The following BCR variants were observed in gnomAD, a reference collection of about 807,000 sequenced individuals.
BCR encodes breakpoint cluster region protein.
In BCR, 58 loss-of-function variants were observed where a neutral mutation model predicts 138.6. That is an observed-to-expected ratio of 0.42 (90% CI 0.34 to 0.52). The LOEUF (loss-of-function observed/expected upper bound fraction) is 0.52. BCR is among the 20% of genes least tolerant of loss of function. BCR has a pLI of 0.06. For synonymous variants in BCR, 786 were observed against 730.1 expected, an observed-to-expected ratio of 1.08 and a Z score of -1.23; for missense variants, 1,599 against 1,727.2, an observed-to-expected ratio of 0.93 and a Z score of 1.32.
At chr22:23,286,688 G>A (rs541841007) in intron 10 of BCR, among the ~76,000 whole-genome samples, 39 of 152,282 alleles carry the variant, frequency 2.6e-4, no homozygotes, top group South Asian at 1.4e-3. Context: ...AGCATAGGAA[G>A]GGCCTTCCCA....
At chr22:23,226,403 C>G (rs543084008) in intron 1 of BCR, among the ~76,000 whole-genome samples, 10 of 151,876 alleles carry the variant, frequency 6.6e-5, no homozygotes, top group African/African-American at 2.4e-4. Flanking sequence ...AAAGGATCTT[C>G]TTTTGTCTTA....
rs1170681981 is a variant in BCR, at chr22:23,182,803, G to A, written c.1279+564G>A. ...TGCTAACCAGCAGTCCTGAACACAA[G>A]TCACAGCAGGTGAGAATAGGAATTA... On this transcript the variant is annotated intron_variant, in intron 1 of 22. Coordinates refer to ENST00000305877, the MANE Select transcript of BCR (RefSeq NM_004327.4). Among the ~76,000 whole-genome samples the A allele has an allele frequency of 2.0e-5, 3 of 152,330 alleles. No homozygotes were observed. The East Asian group carries it at 5.8e-4, about 29-fold the overall frequency.
intron 1 of BCR, among the ~76,000 whole-genome samples, chr22:23,189,392 G>A (rs2072386593): frequency 6.6e-6 from 1 of 152,190 alleles, no homozygotes; most frequent in South Asian, 2.1e-4. Context: ...TCTCCTAGAT[G>A]CCTCGTGTAA....
chr22:23,307,806 T>C (rs2073966269), intron 16 of BCR: 1 of 138,958 alleles, frequency 7.2e-6, no homozygotes, highest in African/African-American at 2.9e-5. Flanking sequence ...TGGTGAGCCT[T>C]CGTGCTGAGC....
intron 6 of BCR, 66 bp downstream of exon 6, chr22:23,271,658 G>A (rs774109623): frequency 2.6e-5 from 40 of 1,529,798 alleles, no homozygotes; most frequent in Middle Eastern, 1.8e-4. Context: ...CAGAGGGGGC[G>A]TTGTGGAAAA....
At chr22:23,225,514 C>T (rs1041856376) in intron 1 of BCR, among the ~76,000 whole-genome samples, 2 of 152,196 alleles carry the variant, frequency 1.3e-5, no homozygotes, top group Non-Finnish European at 2.9e-5. Flanking sequence ...AGCTCAGTCT[C>T]CTTCAGTCTG....
chr22:23,297,207 GTTTTTTGTT>G (rs2073854731), intron 16 of BCR, among the ~76,000 whole-genome samples: 1 of 97,380 alleles, frequency 1.0e-5, no homozygotes, highest in African/African-American at 4.9e-5. Flanking sequence ...TGGCTAAGTT[GTTTTTTGTT>G]TTTTGTTTTT....
intron 11 of BCR, 98 bp from the exon 12 acceptor site, chr22:23,287,999 G>A: frequency 8.5e-7 from 1 of 1,180,074 alleles, no homozygotes; most frequent in South Asian, 1.2e-5. Flanking sequence ...CCAGCCGGCT[G>A]GAGATACGAG....
At chr22:23,221,250 C>T (rs915867325) in intron 1 of BCR, among the ~76,000 whole-genome samples, 1 of 152,126 alleles carries the variant, frequency 6.6e-6, no homozygotes, top group Non-Finnish European at 1.5e-5. Flanking sequence ...TTCAGGCTTC[C>T]GAGGCACATG....
chr22:23,260,284 A>G (rs972631611), intron 2 of BCR, among the ~76,000 whole-genome samples: 1 of 152,238 alleles, frequency 6.6e-6, no homozygotes, highest in Non-Finnish European at 1.5e-5. Context: ...GGACTTTGTC[A>G]TAGCCCACAT....
intron 1 of BCR, among the ~76,000 whole-genome samples, chr22:23,208,132 T>A (rs1287960728): frequency 2.0e-5 from 3 of 152,230 alleles, no homozygotes; most frequent in Non-Finnish European, 4.4e-5. Flanking sequence ...CAGAGCTTCA[T>A]GCTTCAGTTG....
Position 23,181,314 on chromosome 22 carries a change from C to G in BCR, c.354C>G (p.Asp118Glu). The G allele has an allele frequency of 2.9e-6, 4 of 1,371,696 alleles. No homozygotes were observed. Among genetic ancestry groups the G allele is most frequent in the Non-Finnish European group, 3.8e-6 (4 of 1,062,784 alleles). The allele number at this position is 1,371,696 out of a possible 1,614,324, so 85.0% of individuals were successfully genotyped here. A position where few individuals can be genotyped will look rare whatever the true frequency, so the allele number is the denominator to read the frequency against. Reference protein sequence around the residue: ...PPAEEPEARPDGEGSPGKARP... With the variant: ...PPAEEPEARPEGEGSPGKARP... ...CCGAGGAGCCCGAGGCCCGGCCCGA[C>G]GGCGAGGGTTCTCCGGGTAAGGCCA... Residue 118 changes from aspartate to glutamate, a missense_variant, in exon 1 of 23, where the codon GAC (aspartate) becomes GAG (glutamate). By Grantham distance (45) the Asp-to-Glu change is conservative. Transcript: ENST00000305877.
In BCR at chr22:23,219,381, C is replaced by T. The variant is rs77680443; in HGVS notation, c.1280-34418C>T. ...TCCCCCCGGATCCCAAGCCTCTCCCCACCATGGCTCCAGAGTCATCCCTAT... is the reference window on the plus strand; with the variant it reads ...TCCCCCCGGATCCCAAGCCTCTCCCTACCATGGCTCCAGAGTCATCCCTAT... On this transcript the variant is annotated intron_variant, in intron 1 of 22. Transcript: ENST00000305877. Among the ~76,000 whole-genome samples the T allele has an allele frequency of 8.3e-3, 1,262 of 152,326 alleles. 20 individuals are homozygous for T. Among genetic ancestry groups the T allele is most frequent in the African/African-American group, 0.029 (1,211 of 41,566 alleles).
chr22:23,194,399 T>C (rs12330003), intron 1 of BCR, among the ~76,000 whole-genome samples: 5,636 of 141,586 alleles, frequency 0.04, 386 homozygotes, highest in African/African-American at 0.13. Context: ...CCATTTTTTT[T>C]TTCTTTTTTT....
At chr22:23,268,349 T>A in intron 4 of BCR, 59 bp from the exon 5 acceptor site, 1 of 1,411,366 alleles carries the variant, frequency 7.1e-7, no homozygotes, top group Non-Finnish European at 9.7e-7. Context: ...AGCCTGCTCT[T>A]CAGAAAGATG....
At chr22:23,309,975 C>T in intron 17 of BCR, 1 of 388,476 alleles carries the variant, frequency 2.6e-6, no homozygotes, top group Non-Finnish European at 4.9e-6. Context: ...CACCTATAGT[C>T]TCAGCTACTC....
intron 15 of BCR, among the ~76,000 whole-genome samples, chr22:23,293,157 G>A (rs538544607): frequency 9.2e-5 from 14 of 152,232 alleles, no homozygotes; most frequent in African/African-American, 3.4e-4. Context: ...CTGCACCTTC[G>A]GGAGTAGGGG....
intron 1 of BCR, among the ~76,000 whole-genome samples, chr22:23,193,814 C>T (rs2072444452): frequency 6.6e-6 from 1 of 152,224 alleles, no homozygotes; most frequent in Admixed American, 6.5e-5. Flanking sequence ...CAGGAACCCT[C>T]TTAGCTGAGT....
intron 1 of BCR, among the ~76,000 whole-genome samples, chr22:23,232,089 TTTC>T (rs1277099500): frequency 6.6e-6 from 1 of 152,244 alleles, no homozygotes; most frequent in African/African-American, 2.4e-5. Context: ...TTTCTGTTGC[TTTC>T]TTGCTTCCAT....
Sources: allele counts gnomAD v4.1 joint callset (sites outside exome capture counted in the v4.1 genomes callset), GRCh38; gene constraint gnomAD v4.1.1; transcripts MANE v1.5; gene names NCBI Gene and HGNC (gene_info 2026-07-23, HGNC 2026-07-21).